Variants in SGCZ observed in about 807,000 individuals in gnomAD.
SGCZ encodes the protein sarcoglycan zeta, also known as zeta-sarcoglycan.
Under a neutral mutation model 41.3 loss-of-function variants are expected in SGCZ, and 40 were observed. That is an observed-to-expected ratio of 0.97 (90% CI 0.75 to 1.26). The LOEUF is 1.26. Among genes scored for constraint, SGCZ ranks in the 50% most tolerant of loss-of-function variants. The probability of loss-of-function intolerance (pLI) is 0.00; values close to 1 mark genes in which losing one functional copy is unlikely to be tolerated. For missense variants in SGCZ, 552 were observed against 369.8 expected, an observed-to-expected ratio of 1.49 and a Z score of -4.04; for synonymous variants, 206 against 137.5, an observed-to-expected ratio of 1.50 and a Z score of -3.49.
At chr8:15,093,079 AC>A (rs1295576306) in intron 1 of SGCZ, among the ~76,000 whole-genome samples, 5 of 152,206 alleles carry the variant, frequency 3.3e-5, no homozygotes, top group Non-Finnish European at 7.3e-5. Context: ...ACAAAGTTGG[AC>A]CCTGGCCCTC....
rs79222735 is a variant in SGCZ, at chr8:14,647,284, T to G, written c.40-92358A>C. 5.3e-4 allele frequency among the ~76,000 whole-genome samples: 80 copies of G among 152,142 alleles called. 1 individual carries two copies. In the East Asian group the frequency reaches 0.014, roughly 27 times the overall value. Reference sequence around the variant, plus strand: ...TTATAGGATATGCATAACTATTCACTAGCATTAACCATGACATCATTGCTT... The same window carrying G: ...TTATAGGATATGCATAACTATTCACGAGCATTAACCATGACATCATTGCTT... On this transcript the variant is annotated intron_variant, in intron 1 of 7. Transcript: ENST00000382080.
At chr8:14,397,716 A>G (rs1340181534) in intron 2 of SGCZ, among the ~76,000 whole-genome samples, 1 of 152,116 alleles carries the variant, frequency 6.6e-6, no homozygotes. Context: ...AATGTATCTG[A>G]GATCTGAGGA....
At chr8:14,227,189 G>A (rs769694139) in intron 4 of SGCZ, among the ~76,000 whole-genome samples, 2 of 152,032 alleles carry the variant, frequency 1.3e-5, no homozygotes, top group Non-Finnish European at 2.9e-5. Flanking sequence ...GTGGCAGGCT[G>A]GTCTCTGAAT....
At chr8:14,738,286 T>A (rs111499712) in intron 1 of SGCZ, among the ~76,000 whole-genome samples, 1 of 152,092 alleles carries the variant, frequency 6.6e-6, no homozygotes, top group Admixed American at 6.6e-5. Context: ...TCCCCTCTTG[T>A]ACAGCCTCAG....
intron 1 of SGCZ, among the ~76,000 whole-genome samples, chr8:14,800,231 A>T (rs1383225648): frequency 6.6e-6 from 1 of 152,172 alleles, no homozygotes; most frequent in African/African-American, 2.4e-5. Flanking sequence ...GTGTTTAGGA[A>T]AAATCAGGTA....
intron 1 of SGCZ, among the ~76,000 whole-genome samples, chr8:15,055,212 G>C (rs1298672624): frequency 6.6e-6 from 1 of 151,990 alleles, no homozygotes; most frequent in African/African-American, 2.4e-5. Context: ...TGGCCTCTCT[G>C]AACTCCAGTT....
chr8:15,101,368 C>G (rs1474279905), intron 1 of SGCZ, among the ~76,000 whole-genome samples: 1 of 152,064 alleles, frequency 6.6e-6, no homozygotes, highest in African/African-American at 2.4e-5. Context: ...ATATACAACT[C>G]AATTCAAAAT....
At chr8:14,153,233 C>T (rs1426057917) in intron 5 of SGCZ, among the ~76,000 whole-genome samples, 1 of 152,160 alleles carries the variant, frequency 6.6e-6, no homozygotes, top group African/African-American at 2.4e-5. Flanking sequence ...ATAACTGTCT[C>T]AAAATAAAAG....
At chr8:14,209,598 A>C (rs745529039) in intron 4 of SGCZ, among the ~76,000 whole-genome samples, 3 of 152,166 alleles carry the variant, frequency 2.0e-5, no homozygotes, top group Non-Finnish European at 4.4e-5. Flanking sequence ...AGAATATTTA[A>C]TATAGGACAT....
At chr8:14,449,364 G>A (rs1243606339) in intron 2 of SGCZ, among the ~76,000 whole-genome samples, 1 of 152,144 alleles carries the variant, frequency 6.6e-6, no homozygotes, top group Admixed American at 6.6e-5. Context: ...GCAATACCAT[G>A]GCTGTGGCAC....
At chr8:14,807,833 C>T (rs1299352623) in intron 1 of SGCZ, among the ~76,000 whole-genome samples, 3 of 152,180 alleles carry the variant, frequency 2.0e-5, no homozygotes, top group African/African-American at 7.2e-5. Context: ...TCAAACTGTA[C>T]TACAAGGCTA....
chr8:14,730,549 C>T (rs1041343320), intron 1 of SGCZ, among the ~76,000 whole-genome samples: 6 of 148,802 alleles, frequency 4.0e-5, no homozygotes, highest in African/African-American at 1.5e-4. Context: ...GAATCAGAAA[C>T]AACATACAAC....
At chr8:14,283,621 C>A (rs1800523891) in intron 3 of SGCZ, among the ~76,000 whole-genome samples, 1 of 152,192 alleles carries the variant, frequency 6.6e-6, no homozygotes, top group African/African-American at 2.4e-5. Flanking sequence ...ACAATATTCT[C>A]TTACATAACC....
chr8:14,097,339 C>A (rs1563123825), intron 7 of SGCZ, among the ~76,000 whole-genome samples: 4 of 152,164 alleles, frequency 2.6e-5, no homozygotes, highest in Non-Finnish European at 5.9e-5. Flanking sequence ...TTTCTGCCTT[C>A]ACTTCGTGAT....
At chr8:14,383,663 A>T (rs1563293748) in intron 2 of SGCZ, among the ~76,000 whole-genome samples, 1 of 152,216 alleles carries the variant, frequency 6.6e-6, no homozygotes, top group Non-Finnish European at 1.5e-5. Context: ...GTGACAAAAA[A>T]ATGTGCTGCA....
At chr8:14,681,743 T>C (rs1808452290) in intron 1 of SGCZ, among the ~76,000 whole-genome samples, 1 of 152,140 alleles carries the variant, frequency 6.6e-6, no homozygotes, top group South Asian at 2.1e-4. Context: ...TCATCAACCC[T>C]TCTTCTTGGT....
intron 1 of SGCZ, among the ~76,000 whole-genome samples, chr8:14,863,420 G>T (rs1342713667): frequency 2.0e-5 from 3 of 152,018 alleles, no homozygotes; most frequent in Admixed American, 6.6e-5. Context: ...GAACACCCAG[G>T]CTCAAGCAAT....
At chr8:14,161,857 A>G (rs2116978089) in intron 5 of SGCZ, among the ~76,000 whole-genome samples, 1 of 152,302 alleles carries the variant, frequency 6.6e-6, no homozygotes, top group Middle Eastern at 3.4e-3. Flanking sequence ...ATATCTATAC[A>G]TACAGTCACA....
At chr8:14,098,389 G>T (rs12156096) in intron 7 of SGCZ, among the ~76,000 whole-genome samples, 51,023 of 151,984 alleles carry the variant, frequency 0.34, 10,696 homozygotes, top group Non-Finnish European at 0.47. Flanking sequence ...ACATTTTGGG[G>T]GTATGGATGT....
Sources: allele counts gnomAD v4.1 joint callset (sites outside exome capture counted in the v4.1 genomes callset), GRCh38; gene constraint gnomAD v4.1.1; transcripts MANE v1.5; gene names NCBI Gene and HGNC (gene_info 2026-07-23, HGNC 2026-07-21).